MAMDC2: variants seen among roughly 807,000 people sequenced by gnomAD.
The protein encoded by MAMDC2 is MAM domain containing 2.
A neutral mutation model predicts 89.8 loss-of-function variants in MAMDC2; 57 were observed. The ratio of observed to expected loss-of-function variants is 0.63; its 90% CI spans 0.51 to 0.79. The LOEUF (loss-of-function observed/expected upper bound fraction) is 0.79. Among genes scored for constraint, MAMDC2 ranks in the 30% least tolerant of loss-of-function variants. The pLI, the probability that MAMDC2 is intolerant of heterozygous loss-of-function variation, is 0.00. For synonymous variants in MAMDC2, 313 were observed against 293.4 expected, an observed-to-expected ratio of 1.07 and a Z score of -0.68; for missense variants, 800 against 820.6, an observed-to-expected ratio of 0.97 and a Z score of 0.31.
rs577531790 is a variant in MAMDC2, at chr9:70,044,106, C to T, written c.-92C>T. 55 of 1,511,294 alleles carry T rather than the reference C, an allele frequency of 3.6e-5. No homozygotes were observed. The highest frequency in any genetic ancestry group is 4.8e-5 in the Non-Finnish European group (52 of 1,093,942). The allele number at this position is 1,511,294 out of a possible 1,614,324, so 93.6% of individuals were successfully genotyped here. ...CTCCCTCCTTGGGTCCCCGGCGCCCCCGCCTCCCACGATCCCTTTCACTAG... is the reference window on the plus strand; with the variant it reads ...CTCCCTCCTTGGGTCCCCGGCGCCCTCGCCTCCCACGATCCCTTTCACTAG... On this transcript the variant is annotated 5_prime_UTR_variant, in exon 1 of 14. Transcript: ENST00000377182.
intron 13 of MAMDC2, 44 bp from the exon 14 acceptor site, chr9:70,225,924 C>A (rs1215967238): frequency 1.4e-6 from 2 of 1,454,654 alleles, no homozygotes; most frequent in East Asian, 4.7e-5. Flanking sequence ...AAATATTTTT[C>A]TATAATAAAA....
chr9:70,053,619 G>T (rs1826963133), intron 2 of MAMDC2, among the ~76,000 whole-genome samples: 1 of 152,186 alleles, frequency 6.6e-6, no homozygotes. Context: ...GTATTGGAAG[G>T]TTGTCAGTTA....
chr9:70,056,532 T>C lies in MAMDC2; in HGVS notation c.148+11835T>C, dbSNP rs112985006. 8.0e-3 allele frequency among the ~76,000 whole-genome samples: 1,214 copies of C among 152,306 alleles called. 20 individuals carry two copies. The highest frequency in any genetic ancestry group is 0.026 in the African/African-American group (1,101 of 41,550). Reference sequence around the variant, plus strand: ...AAATATTTAAACTACTTATACATGGTTCTGTACTGAATATTGTATAATACA... The same window carrying C: ...AAATATTTAAACTACTTATACATGGCTCTGTACTGAATATTGTATAATACA... On this transcript the variant is annotated intron_variant, in intron 2 of 13. Coordinates refer to ENST00000377182, the MANE Select transcript of MAMDC2 (RefSeq NM_153267.5).
chr9:70,168,654 CCAGTTTT>C, intron 9 of MAMDC2, 41 bp from the exon 10 acceptor site: 1 of 1,508,146 alleles, frequency 6.6e-7, no homozygotes, highest in Non-Finnish European at 9.2e-7. Flanking sequence ...TTAGGAGTTT[CCAGTTTT>C]CAGTTAACAG....
At chr9:70,054,168 G>T (rs1826975572) in intron 2 of MAMDC2, among the ~76,000 whole-genome samples, 1 of 152,198 alleles carries the variant, frequency 6.6e-6, no homozygotes, top group African/African-American at 2.4e-5. Flanking sequence ...AGAATCTAAA[G>T]ATCAGGTATA....
intron 9 of MAMDC2, among the ~76,000 whole-genome samples, chr9:70,167,987 T>C (rs2032222371): frequency 6.6e-6 from 1 of 152,236 alleles, no homozygotes; most frequent in Non-Finnish European, 1.5e-5. Context: ...ATAGTGTTTG[T>C]ACTGGAAATG....
chr9:70,118,297 A>AACACAC (rs6151026), intron 5 of MAMDC2, among the ~76,000 whole-genome samples: 3,799 of 140,294 alleles, frequency 0.027, 118 homozygotes, highest in East Asian at 0.065. Context: ...ATCCCCACTC[A>AACACAC]ACACACACAC....
intron 2 of MAMDC2, among the ~76,000 whole-genome samples, chr9:70,079,832 C>T (rs1287608357): frequency 6.6e-6 from 1 of 152,102 alleles, no homozygotes; most frequent in East Asian, 1.9e-4. Flanking sequence ...TTCGGCCTGT[C>T]CCCAACATAA....
At chr9:70,168,321 G>A (rs1466356885) in intron 9 of MAMDC2, among the ~76,000 whole-genome samples, 2 of 152,014 alleles carry the variant, frequency 1.3e-5, no homozygotes, top group Non-Finnish European at 2.9e-5. Context: ...GTGAAACCCC[G>A]TCTCTACTAA....
At chr9:70,173,694 G>A (rs2032418713) in intron 11 of MAMDC2, among the ~76,000 whole-genome samples, 1 of 152,114 alleles carries the variant, frequency 6.6e-6, no homozygotes, top group Non-Finnish European at 1.5e-5. Flanking sequence ...GAATTCTGTG[G>A]GTAATGAAGA....
At chr9:70,143,429 GCTTT>G in intron 8 of MAMDC2, 121 bp from the exon 9 acceptor site, 1 of 1,051,256 alleles carries the variant, frequency 9.5e-7, no homozygotes, top group Non-Finnish European at 1.4e-6. Context: ...ATTAGAAAAT[GCTTT>G]CTATCATTTA....
chr9:70,164,203 A>G (rs955449798), intron 9 of MAMDC2, among the ~76,000 whole-genome samples: 1 of 152,154 alleles, frequency 6.6e-6, no homozygotes. Context: ...AACATCCTAC[A>G]ATGCACAGGG....
Position 70,213,687 on chromosome 9 carries a change from C to A in MAMDC2, c.1652-4650C>A, listed in dbSNP as rs144328656. Among the ~76,000 whole-genome samples, 597 of 152,276 alleles carry A rather than the reference C, an allele frequency of 3.9e-3. 3 individuals carry two copies. The highest frequency in any genetic ancestry group is 0.013 in the African/African-American group (552 of 41,536). On this transcript the variant is annotated intron_variant, in intron 11 of 13. Coordinates refer to ENST00000377182, the MANE Select transcript of MAMDC2 (RefSeq NM_153267.5). ...AAGTTTCCTTTCATCATTGAATGTG[C>A]AAAACCCCCTGTGCTTCTTGTGGAC...
In MAMDC2 at chr9:70,218,351, A is replaced by C. The variant is rs2033487708; in HGVS notation, c.1666A>C (p.Ile556Leu). Residue 556 changes from isoleucine to leucine, a missense_variant, in exon 12 of 14, where the codon ATT becomes CTT. Ile to Leu is a conservative substitution (Grantham distance 5, BLOSUM62 2). Transcript: ENST00000377182. ...HTTGVGYYMY[I>L]EASHMVYGQK... is the part of the protein sequence containing the mutation. Reference sequence around the variant, plus strand: ...TTCACCTCAAGGCTACTACATGTACATTGAGGCCTCCCATATGGTGTATGG... The same window carrying C: ...TTCACCTCAAGGCTACTACATGTACCTTGAGGCCTCCCATATGGTGTATGG... 1 of 1,613,494 alleles carries C rather than the reference A, an allele frequency of 6.2e-7. No homozygotes were observed. Among genetic ancestry groups the C allele is most frequent in the African/African-American group, 1.3e-5 (1 of 75,040 alleles).
intron 11 of MAMDC2, among the ~76,000 whole-genome samples, chr9:70,205,607 A>C (rs1386480708): frequency 1.3e-5 from 2 of 152,206 alleles, no homozygotes; most frequent in Non-Finnish European, 2.9e-5. Flanking sequence ...TGTGTGTCTC[A>C]ACACATCACA....
intron 11 of MAMDC2, among the ~76,000 whole-genome samples, chr9:70,212,825 T>C (rs1477749755): frequency 6.6e-6 from 1 of 152,206 alleles, no homozygotes; most frequent in African/African-American, 2.4e-5. Flanking sequence ...AGTTTCAGCC[T>C]GATACCTGTG....
chr9:70,182,311 A>C (rs1031992649), intron 11 of MAMDC2, among the ~76,000 whole-genome samples: 2 of 152,030 alleles, frequency 1.3e-5, no homozygotes, highest in African/African-American at 2.4e-5. Flanking sequence ...TTGGCCTGAA[A>C]TTTTCTTTTT....
chr9:70,146,446 G>C (rs1419245546), intron 9 of MAMDC2, among the ~76,000 whole-genome samples: 1 of 152,148 alleles, frequency 6.6e-6, no homozygotes, highest in Non-Finnish European at 1.5e-5. Context: ...CTGTTAGATA[G>C]AAATAGCTTC....
chr9:70,172,581 C>A (rs1563986255), intron 11 of MAMDC2: 1 of 152,740 alleles, frequency 6.5e-6, no homozygotes, highest in Non-Finnish European at 1.5e-5. Flanking sequence ...TGTTTGGGTT[C>A]CTCCTGGAAA....
Sources: allele counts gnomAD v4.1 joint callset (sites outside exome capture counted in the v4.1 genomes callset), GRCh38; gene constraint gnomAD v4.1.1; transcripts MANE v1.5; gene names NCBI Gene and HGNC (gene_info 2026-07-23, HGNC 2026-07-21).